TAB3: variants seen among roughly 807,000 people sequenced by gnomAD.
The protein encoded by TAB3 is TGF-beta activated kinase 1 (MAP3K7) binding protein 3.
A neutral mutation model predicts 48.1 loss-of-function variants in TAB3; 18 were observed. The observed-to-expected ratio is 0.37, with a 90% CI of 0.26 to 0.55. The LOEUF (loss-of-function observed/expected upper bound fraction) is 0.55. Among genes scored for constraint, TAB3 ranks in the 20% least tolerant of loss-of-function variants. The pLI is 0.78. For synonymous variants in TAB3, 185 were observed against 190.2 expected, an observed-to-expected ratio of 0.97 and a Z score of 0.22; for missense variants, 414 against 549.8, an observed-to-expected ratio of 0.75 and a Z score of 2.47.
chrX:30,878,514 A>AG (rs1939905129), intron 1 of TAB3, among the ~76,000 whole-genome samples: 5 of 87,958 alleles, frequency 5.7e-5, no homozygotes, highest in Non-Finnish European at 8.9e-5. Flanking sequence ...AAAAAAAAAA[A>AG]AAAAAGAAAG....
rs1938994459 is a variant in TAB3 at position 30,854,579 on chromosome X, G to A, written c.1086C>T (p.Ser362=). The A allele has an allele frequency of 8.3e-7, 1 of 1,211,256 alleles. No individual in the cohort carries two copies. ...CAACTGTAATTTCTATCTTCTTCAT[G>A]GAACCTTTGGATAAACTAGATGCTG... The part of the protein sequence containing the change: ...PYTASSLSKG[S]MKKIEITVEP... The change falls in exon 6 of 11, where the codon TCC becomes TCT. Residue 362 remains serine (S), a synonymous_variant. Coordinates refer to ENST00000288422, the MANE Select transcript of TAB3 (RefSeq NM_152787.5).
Position 30,871,704 on chromosome X carries a change from A to G in TAB3, c.-285T>C, listed in dbSNP as rs1939666956. ...AAAAGAAATATACTCCTTACCTCCA[A>G]TTTTTCAACTGGTGAAAATTCAACT... On this transcript the variant is annotated 5_prime_UTR_variant, in exon 2 of 11. Transcript: ENST00000288422. 8.9e-6 allele frequency: 1 copy of G among 112,148 alleles called. No individual in the cohort carries two copies. Among genetic ancestry groups the G allele is most frequent in the Admixed American group, 9.5e-5 (1 of 10,566 alleles). 9.2% of individuals were successfully genotyped at this position (112,148 alleles called of 1,213,427 possible).
chrX:30,836,527 T>C (rs1227875154), intron 9 of TAB3: 1 of 111,967 alleles, frequency 8.9e-6, no homozygotes, highest in Non-Finnish European at 1.9e-5. Context: ...CAAATTGTGT[T>C]TGAGTTAAAT....
At chrX:30,861,649 T>C (rs1031390400) in intron 4 of TAB3, among the ~76,000 whole-genome samples, 1 of 111,729 alleles carries the variant, frequency 9.0e-6, no homozygotes, top group Non-Finnish European at 1.9e-5. Flanking sequence ...GTAAAGCAAT[T>C]TATAATTTCC....
intron 8 of TAB3, chrX:30,843,528 C>T (rs1156746561): frequency 4.5e-5 from 5 of 111,871 alleles, no homozygotes; most frequent in African/African-American, 1.6e-4. Flanking sequence ...CAAATATAAA[C>T]ATTTACAAGG....
At chrX:30,878,516 A>AAAAAAAAAAAAAG (rs57251085) in intron 1 of TAB3, among the ~76,000 whole-genome samples, 1 of 79,597 alleles carries the variant, frequency 1.3e-5, no homozygotes. Context: ...AAAAAAAAAA[A>AAAAAAAAAAAAAG]AAAGAAAGAA....
chrX:30,842,446 T>A (rs1938482849), intron 9 of TAB3, among the ~76,000 whole-genome samples: 1 of 112,312 alleles, frequency 8.9e-6, no homozygotes, highest in Admixed American at 9.5e-5. Context: ...AAATTTATAA[T>A]GTTAACTATG....
intron 1 of TAB3, among the ~76,000 whole-genome samples, chrX:30,884,226 G>A (rs1169020150): frequency 9.0e-6 from 1 of 111,615 alleles, no homozygotes; most frequent in Non-Finnish European, 1.9e-5. Flanking sequence ...TATCATCTTC[G>A]AAAGTAGCTA....
intron 8 of TAB3, chrX:30,846,325 A>G: frequency 2.8e-6 from 1 of 357,827 alleles, no homozygotes; most frequent in South Asian, 6.3e-5. Context: ...AAGTAACAAC[A>G]TAGAACAGTC....
At chrX:30,861,823 T>C (rs1019303194) in intron 4 of TAB3, among the ~76,000 whole-genome samples, 19 of 112,364 alleles carry the variant, frequency 1.7e-4, no homozygotes, top group African/African-American at 6.1e-4. Context: ...ATTTAACCCA[T>C]GTCAAAAGTA....
intron 1 of TAB3, among the ~76,000 whole-genome samples, chrX:30,872,141 T>C (rs1363605278): frequency 9.0e-6 from 1 of 111,628 alleles, no homozygotes; most frequent in Non-Finnish European, 1.9e-5. Context: ...CAGGAGTCCC[T>C]GCAGCTTCCC....
At chrX:30,839,914 TTA>T (rs56260124) in intron 9 of TAB3, among the ~76,000 whole-genome samples, 1,347 of 82,147 alleles carry the variant, frequency 0.016, 16 homozygotes, top group East Asian at 0.049. Context: ...CATATATATA[TTA>T]TATATATATA....
At chrX:30,838,296 C>G (rs1938303819) in intron 9 of TAB3, among the ~76,000 whole-genome samples, 1 of 111,754 alleles carries the variant, frequency 8.9e-6, no homozygotes, top group South Asian at 3.8e-4. Flanking sequence ...ACTTTTCATA[C>G]ACTTTTAATT....
At chrX:30,878,516 A>AAAG (rs60948223) in intron 1 of TAB3, among the ~76,000 whole-genome samples, 16,842 of 78,716 alleles carry the variant, frequency 0.21, 2,046 homozygotes, top group African/African-American at 0.28. Flanking sequence ...AAAAAAAAAA[A>AAAG]AAAGAAAGAA....
chrX:30,860,234 G>A (rs1397485168), intron 4 of TAB3, among the ~76,000 whole-genome samples: 1 of 112,273 alleles, frequency 8.9e-6, no homozygotes, highest in Non-Finnish European at 1.9e-5. Context: ...TGGTAAACAT[G>A]CAGGAGTGCT....
chrX:30,869,146 C>T (rs748012744), intron 2 of TAB3, among the ~76,000 whole-genome samples: 14 of 109,758 alleles, frequency 1.3e-4, no homozygotes, highest in African/African-American at 4.3e-4. Flanking sequence ...CTGCAACCTC[C>T]GCCTCCTGGG....
intron 9 of TAB3, 31 bp downstream of exon 9, chrX:30,842,935 C>A (rs747044778): frequency 1.1e-6 from 1 of 935,593 alleles, no homozygotes; most frequent in South Asian, 2.5e-5. Context: ...ACATTTATTT[C>A]TATCGTATTT....
At chrX:30,833,128 A>G (rs1029403921) in intron 10 of TAB3, among the ~76,000 whole-genome samples, 29 of 108,102 alleles carry the variant, frequency 2.7e-4, no homozygotes, top group African/African-American at 5.4e-4. Context: ...CTGCCACCGC[A>G]CCCGGCTAAT....
chrX:30,852,675 C>A (rs773191592), intron 7 of TAB3, 103 bp downstream of exon 7: 354 of 911,130 alleles, frequency 3.9e-4, no homozygotes, highest in Non-Finnish European at 4.7e-4. Context: ...ACAACAACAA[C>A]AAAAAACCGG....
Sources: gnomAD v4.1 joint callset for allele counts (sites outside exome capture counted in the v4.1 genomes callset) on GRCh38, gnomAD v4.1.1 for gene constraint, MANE v1.5 for transcripts, NCBI Gene and HGNC (gene_info 2026-07-23, HGNC 2026-07-21) for gene names.